COL4A5: variants seen among roughly 807,000 people sequenced by gnomAD.
The protein encoded by COL4A5 is collagen alpha-5(IV) chain.
In COL4A5, 26 loss-of-function variants were observed where a neutral mutation model predicts 130.2. That is an observed-to-expected ratio of 0.20 (90% CI 0.15 to 0.28). COL4A5 has a LOEUF of 0.28. Ranked by LOEUF, COL4A5 falls within the 10% of genes least tolerant of loss-of-function variation. The pLI is 1.00. For missense variants in COL4A5, 1,131 were observed against 1,344.3 expected, an observed-to-expected ratio of 0.84 and a Z score of 2.48; for synonymous variants, 496 against 439.6, an observed-to-expected ratio of 1.13 and a Z score of -1.60.
intron 16 of COL4A5, 85 bp downstream of exon 16, chrX:108,581,112 C>A: frequency 1.3e-6 from 1 of 790,673 alleles, no homozygotes; most frequent in Non-Finnish European, 1.9e-6. Context: ...AGCAGTATGA[C>A]AAAAATTGTG....
At chrX:108,543,800 A>G (rs1383470055) in intron 2 of COL4A5, among the ~76,000 whole-genome samples, 3 of 111,398 alleles carry the variant, frequency 2.7e-5, no homozygotes, top group African/African-American at 9.8e-5. Flanking sequence ...GTGGTTTGTA[A>G]TTCTCCTCGA....
intron 1 of COL4A5, among the ~76,000 whole-genome samples, chrX:108,441,924 A>G (rs2064405349): frequency 8.9e-6 from 1 of 112,038 alleles, no homozygotes; most frequent in Admixed American, 9.4e-5. Flanking sequence ...TTTTATTGAC[A>G]AAACTTGAGA....
At chrX:108,656,705 A>T (rs1182077911) in intron 37 of COL4A5, among the ~76,000 whole-genome samples, 1 of 111,820 alleles carries the variant, frequency 8.9e-6, no homozygotes. Context: ...TGTTTTGATG[A>T]GTATGTAGAA....
chrX:108,675,504 G>T (rs1354285827), intron 43 of COL4A5, among the ~76,000 whole-genome samples: 2 of 111,606 alleles, frequency 1.8e-5, no homozygotes, highest in African/African-American at 6.5e-5. Flanking sequence ...TGACAAGTTT[G>T]CTTAGAACAC....
Position 108,695,357 on chromosome X carries a change from T to A in COL4A5, c.4912T>A (p.Cys1638Ser). Residue 1638 changes from cysteine to serine, a missense_variant, in exon 52 of 53, where the codon TGT becomes AGT. Transcript: ENST00000328300. ...GTTTCGTTCAGCTCCCTTCATCGAA[T>A]GTCATGGGAGGGGTACCTGTAACTA... ...EEFRSAPFIE[C>S]HGRGTCNYYA... The A allele has an allele frequency of 8.3e-7, 1 of 1,211,141 alleles. No individual in the cohort carries two copies. The highest frequency in any genetic ancestry group is 1.1e-6 in the Non-Finnish European group (1 of 895,097).
intron 3 of COL4A5, among the ~76,000 whole-genome samples, chrX:108,561,764 A>C (rs912840827): frequency 1.8e-5 from 2 of 112,120 alleles, no homozygotes; most frequent in East Asian, 5.6e-4. Flanking sequence ...ATTTAAATGC[A>C]TGAATATTTT....
rs1207646233 is a variant in COL4A5, at chrX:108,451,106, G to A, written c.81+10900G>A. Among the ~76,000 whole-genome samples the A allele has an allele frequency of 8.7e-4, 91 of 104,701 alleles. 1 individual carries two copies. Among genetic ancestry groups the A allele is most frequent in the Non-Finnish European group, 3.5e-4 (18 of 51,515 alleles). 90.9% of individuals were successfully genotyped at this position (104,701 alleles called of 115,157 possible). On this transcript the variant is annotated intron_variant, in intron 1 of 52. Transcript: ENST00000328300. ...GAGAACATGCGGTGTTTGATTTTTT[G>A]TCTTTGCGATAGTTTACTGAGAATG... is the stretch of plus-strand genomic sequence containing the variant.
At chrX:108,520,439 A>G (rs1311554226) in intron 1 of COL4A5, among the ~76,000 whole-genome samples, 2 of 111,522 alleles carry the variant, frequency 1.8e-5, no homozygotes, top group African/African-American at 6.5e-5. Flanking sequence ...ATCTTTCTAC[A>G]TTTTTACAGT....
intron 1 of COL4A5, among the ~76,000 whole-genome samples, chrX:108,498,360 A>G (rs73524460): frequency 0.016 from 1,790 of 111,655 alleles, 42 homozygotes; most frequent in African/African-American, 0.055. Context: ...CTGTTCATTC[A>G]TTAATACCAC....
intron 19 of COL4A5, among the ~76,000 whole-genome samples, chrX:108,588,464 A>G (rs922809794): frequency 2.7e-5 from 3 of 111,205 alleles, no homozygotes; most frequent in Non-Finnish European, 5.7e-5. Context: ...TTATCTCAGG[A>G]TGCAGTAAAA....
At chrX:108,633,556 T>G (rs991383612) in intron 36 of COL4A5, among the ~76,000 whole-genome samples, 3 of 111,591 alleles carry the variant, frequency 2.7e-5, no homozygotes, top group Non-Finnish European at 5.7e-5. Flanking sequence ...TGAGTGAATT[T>G]TAACATTTTA....
At chrX:108,592,297 T>A (rs774221555) in intron 21 of COL4A5, among the ~76,000 whole-genome samples, 11 of 111,291 alleles carry the variant, frequency 9.9e-5, no homozygotes, top group South Asian at 7.6e-4. Context: ...TACAATAGAT[T>A]CCATTTCCTC....
intron 1 of COL4A5, among the ~76,000 whole-genome samples, chrX:108,505,398 CA>C (rs1037305758): frequency 7.2e-5 from 8 of 110,704 alleles, no homozygotes; most frequent in African/African-American, 2.6e-4. Context: ...AAAAAAAACT[CA>C]AAGAAAAGTA....
chrX:108,467,116 G>T (rs918509342), intron 1 of COL4A5, among the ~76,000 whole-genome samples: 5 of 111,667 alleles, frequency 4.5e-5, no homozygotes, highest in African/African-American at 6.5e-5. Context: ...AAGCCATGAA[G>T]AGTTATCTCT....
chrX:108,634,213 CAA>C (rs35480457), intron 36 of COL4A5, among the ~76,000 whole-genome samples: 24 of 66,192 alleles, frequency 3.6e-4, no homozygotes, highest in Non-Finnish European at 2.3e-4. Flanking sequence ...GAAAGTGCAA[CAA>C]AAAAAAAAAA....
At chrX:108,543,811 A>G (rs923075518) in intron 2 of COL4A5, among the ~76,000 whole-genome samples, 29 of 111,782 alleles carry the variant, frequency 2.6e-4, no homozygotes, top group Non-Finnish European at 1.3e-4. Context: ...TTCTCCTCGA[A>G]GAGGTCCTTC....
At position 108,603,045 on chromosome X, in the gene COL4A5, G is replaced by C. The variant is rs104886166; in HGVS notation, c.2228G>C (p.Gly743Ala). The change falls in exon 28 of 53, where the codon GGC becomes GCC. Residue 743 changes from glycine (G) to alanine (A), a missense_variant. Gly to Ala is a moderately conservative substitution (Grantham distance 60, BLOSUM62 0). Transcript: ENST00000328300. ...CTAGAAGGCCCTCCTGGGCCACCCG[G>C]CTTTCCAGGACCAAAGGTCTGGGAC... Reference protein sequence around the residue: ...IGLEGPPGPPGFPGPKGEPGF... With the variant: ...IGLEGPPGPPAFPGPKGEPGF... The C allele has an allele frequency of 1.1e-5, 13 of 1,174,040 alleles. No individual in the cohort carries two copies. Among genetic ancestry groups the C allele is most frequent in the South Asian group, 1.8e-5 (1 of 54,120 alleles).
chrX:108,650,290 T>G (rs931500921), intron 36 of COL4A5, among the ~76,000 whole-genome samples: 8 of 111,158 alleles, frequency 7.2e-5, no homozygotes, highest in African/African-American at 1.6e-4. Flanking sequence ...TTGGTGTGGA[T>G]GCGGTGATCA....
intron 37 of COL4A5, among the ~76,000 whole-genome samples, chrX:108,663,018 G>T (rs777701503): frequency 2.7e-4 from 30 of 112,113 alleles, no homozygotes; most frequent in Non-Finnish European, 4.7e-4. Flanking sequence ...GCTAAGGAGA[G>T]AATCCAGCTC....
Sources: gnomAD v4.1 joint callset for allele counts (sites outside exome capture counted in the v4.1 genomes callset) on GRCh38, gnomAD v4.1.1 for gene constraint, MANE v1.5 for transcripts, NCBI Gene and HGNC (gene_info 2026-07-23, HGNC 2026-07-21) for gene names.